HSD17B12: variants seen among roughly 807,000 people sequenced by gnomAD.
The protein encoded by HSD17B12 is hydroxysteroid 17-beta dehydrogenase 12.
In HSD17B12, 32 loss-of-function variants were observed where a neutral mutation model predicts 39.3. The ratio of observed to expected loss-of-function variants is 0.81; its 90% CI spans 0.61 to 1.09. The LOEUF is 1.09. HSD17B12 is among the 50% of genes least tolerant of loss of function. HSD17B12 has a pLI of 0.00. For missense variants in HSD17B12, 342 were observed against 382.9 expected, an observed-to-expected ratio of 0.89 and a Z score of 0.89; for synonymous variants, 150 against 146.7, an observed-to-expected ratio of 1.02 and a Z score of -0.16.
chr11:43,715,466 G>A (rs1245128203), intron 1 of HSD17B12, among the ~76,000 whole-genome samples: 1 of 152,134 alleles, frequency 6.6e-6, no homozygotes, highest in Non-Finnish European at 1.5e-5. Context: ...TGCATCCCAG[G>A]GATGAAGCCC....
At chr11:43,608,449 A>C in the HSD17B12 span, among the ~76,000 whole-genome samples, 1 of 152,124 alleles carries the variant, frequency 6.6e-6, no homozygotes, top group African/African-American at 2.4e-5. Flanking sequence ...AAGTACACTT[A>C]ATCAAAGAGA....
intron 6 of HSD17B12, among the ~76,000 whole-genome samples, chr11:43,822,581 T>C (rs1027144787): frequency 6.6e-6 from 1 of 151,952 alleles, no homozygotes; most frequent in African/African-American, 2.4e-5. Flanking sequence ...GAACATGCGG[T>C]GTTTGGTTTT....
chr11:43,827,856 TTCTAA>T (rs1404280986), intron 6 of HSD17B12, among the ~76,000 whole-genome samples: 1 of 152,190 alleles, frequency 6.6e-6, no homozygotes, highest in Non-Finnish European at 1.5e-5. Context: ...TTGAATCAAA[TTCTAA>T]ATTTAGCTGT....
chr11:43,699,018 T>C (rs1949938382), intron 1 of HSD17B12, among the ~76,000 whole-genome samples: 1 of 152,208 alleles, frequency 6.6e-6, no homozygotes, highest in South Asian at 2.1e-4. Context: ...TAATTGTATT[T>C]TAAAGAGATG....
At chr11:43,629,647 T>C in the HSD17B12 span, among the ~76,000 whole-genome samples, 4 of 152,216 alleles carry the variant, frequency 2.6e-5, no homozygotes, top group Non-Finnish European at 4.4e-5. Context: ...ACAGGCTCAA[T>C]AGTGTTTAGC....
Position 43,789,479 on chromosome 11 carries a change from C to G in HSD17B12, c.284-8841C>G, listed in dbSNP as rs561262864. On this transcript the variant is annotated intron_variant, in intron 3 of 10. Transcript: ENST00000278353. ...AGCTTACAGTTTAGGGAGTGAGATG[C>G]TTTGCCAGATTGCAACTTGCCATGC... 3.3e-5 allele frequency among the ~76,000 whole-genome samples: 5 copies of G among 152,332 alleles called. No homozygotes were observed. The East Asian group carries it at 9.6e-4, about 29-fold the overall frequency.
chr11:43,729,273 A>G (rs1322180625), intron 1 of HSD17B12, among the ~76,000 whole-genome samples: 1 of 152,246 alleles, frequency 6.6e-6, no homozygotes, highest in Non-Finnish European at 1.5e-5. Context: ...ATAGAATTTA[A>G]TAAAATACCA....
At chr11:43,836,862 T>G (rs1237329983) in intron 7 of HSD17B12, among the ~76,000 whole-genome samples, 3 of 152,148 alleles carry the variant, frequency 2.0e-5, no homozygotes, top group African/African-American at 7.2e-5. Context: ...AAGAAAAGAC[T>G]TTTCTGCTTC....
At chr11:43,674,801 C>T in the HSD17B12 span, among the ~76,000 whole-genome samples, 1 of 152,232 alleles carries the variant, frequency 6.6e-6, no homozygotes, top group African/African-American at 2.4e-5. Flanking sequence ...CACACCCTCA[C>T]TCAATTTCTG....
intron 1 of HSD17B12, among the ~76,000 whole-genome samples, chr11:43,704,376 T>A (rs2134817718): frequency 6.6e-6 from 1 of 152,328 alleles, no homozygotes; most frequent in East Asian, 1.9e-4. Context: ...GCTGACTAAA[T>A]ACTGAACGAA....
chr11:43,754,022 T>C (rs1950488275), intron 2 of HSD17B12, 24 bp from the exon 3 acceptor site: 2 of 1,552,940 alleles, frequency 1.3e-6, no homozygotes. Context: ...ACAGGTGTGA[T>C]TCAAATCTCC....
the HSD17B12 span, among the ~76,000 whole-genome samples, chr11:43,567,665 C>T: frequency 2.0e-5 from 3 of 152,158 alleles, no homozygotes; most frequent in East Asian, 1.9e-4. Context: ...CATCCTGGCA[C>T]CTTGAAGCAA....
At chr11:43,791,080 GA>G (rs1385551581) in intron 3 of HSD17B12, among the ~76,000 whole-genome samples, 2 of 152,164 alleles carry the variant, frequency 1.3e-5, no homozygotes, top group African/African-American at 4.8e-5. Flanking sequence ...TGGTATTCTT[GA>G]AAGTTCAAAG....
intron 1 of HSD17B12, among the ~76,000 whole-genome samples, chr11:43,700,186 A>T (rs922588427): frequency 6.6e-6 from 1 of 152,048 alleles, no homozygotes; most frequent in Non-Finnish European, 1.5e-5. Flanking sequence ...CACCAGAAAA[A>T]GTCCTAATTT....
the HSD17B12 span, chr11:43,645,973 C>G: frequency 9.5e-6 from 1 of 105,670 alleles, no homozygotes; most frequent in Admixed American, 1.3e-4. Context: ...AGAGTGAGAC[C>G]CTGTCTCAAA....
At chr11:43,653,122 T>A in the HSD17B12 span, among the ~76,000 whole-genome samples, 1 of 152,070 alleles carries the variant, frequency 6.6e-6, no homozygotes, top group African/African-American at 2.4e-5. Context: ...AGAGAGAGAT[T>A]CTGTTTCCTG....
chr11:43,773,959 G>A (rs1950673770), intron 3 of HSD17B12, among the ~76,000 whole-genome samples: 3 of 151,976 alleles, frequency 2.0e-5, no homozygotes, highest in Admixed American at 2.0e-4. Flanking sequence ...TCTCTTTTCT[G>A]TTTCTGTTGT....
chr11:43,646,400 T>G, the HSD17B12 span: 1 of 152,236 alleles, frequency 6.6e-6, no homozygotes, highest in African/African-American at 2.4e-5. Context: ...TTGTCCATAT[T>G]TGTTACTGTT....
chr11:43,705,315 T>C (rs115712985), intron 1 of HSD17B12, among the ~76,000 whole-genome samples: 1,694 of 152,334 alleles, frequency 0.011, 27 homozygotes, highest in African/African-American at 0.04. Flanking sequence ...GGGAATTGTC[T>C]TATTACCATT....
Sources: gnomAD v4.1 joint callset for allele counts (sites outside exome capture counted in the v4.1 genomes callset) on GRCh38, gnomAD v4.1.1 for gene constraint, MANE v1.5 for transcripts, NCBI Gene and HGNC (gene_info 2026-07-23, HGNC 2026-07-21) for gene names.